WWC1: variants seen among roughly 807,000 people sequenced by gnomAD.
The protein encoded by WWC1 is WW and C2 domain containing 1.
A neutral mutation model predicts 138.4 loss-of-function variants in WWC1; 55 were observed. The ratio of observed to expected loss-of-function variants is 0.40; its 90% CI spans 0.32 to 0.50. The LOEUF is 0.50. WWC1 is among the 20% of genes least tolerant of loss of function. The probability of loss-of-function intolerance (pLI) is 0.72; values close to 1 mark genes in which losing one functional copy is unlikely to be tolerated. For synonymous variants in WWC1, 524 were observed against 564.9 expected, an observed-to-expected ratio of 0.93 and a Z score of 1.03; for missense variants, 1,226 against 1,420.4, an observed-to-expected ratio of 0.86 and a Z score of 2.20.
chr5:168,373,279 A>C (rs1338796321), intron 2 of WWC1, among the ~76,000 whole-genome samples: 2 of 152,086 alleles, frequency 1.3e-5, no homozygotes, highest in Admixed American at 6.6e-5. Flanking sequence ...CTGTTGGAAA[A>C]ATGGAAGAAA....
intron 15 of WWC1, among the ~76,000 whole-genome samples, chr5:168,438,191 C>T (rs1754409555): frequency 6.6e-6 from 1 of 152,152 alleles, no homozygotes; most frequent in Non-Finnish European, 1.5e-5. Context: ...AACCACCTTT[C>T]ACTGTCCCAG....
chr5:168,312,787 A>G (rs1287951437), intron 1 of WWC1, among the ~76,000 whole-genome samples: 1 of 144,514 alleles, frequency 6.9e-6, no homozygotes. Context: ...CACTCAGGGT[A>G]GGTCATGGGT....
intron 1 of WWC1, among the ~76,000 whole-genome samples, chr5:168,365,297 G>A (rs1414864426): frequency 6.6e-6 from 1 of 152,174 alleles, no homozygotes; most frequent in African/African-American, 2.4e-5. Context: ...GACAGTTCTT[G>A]GCTTGGAGTC....
At chr5:168,361,958 C>T (rs113816829) in intron 1 of WWC1, among the ~76,000 whole-genome samples, 5,662 of 152,274 alleles carry the variant, frequency 0.037, 150 homozygotes, top group Middle Eastern at 0.088. Flanking sequence ...TGGCAGGCGC[C>T]TGTGGTCCCA....
intron 17 of WWC1, among the ~76,000 whole-genome samples, chr5:168,452,505 A>G (rs553248420): frequency 2.4e-4 from 36 of 152,328 alleles, no homozygotes; most frequent in African/African-American, 8.2e-4. Flanking sequence ...AGCCAGGGAA[A>G]GGGGCCTCAG....
At chr5:168,423,384 T>C in intron 10 of WWC1, 149 bp from the exon 11 acceptor site, 2 of 854,624 alleles carry the variant, frequency 2.3e-6, no homozygotes. Flanking sequence ...GGGGTATCAG[T>C]TTTCCATGAA....
chr5:168,417,314 G>A (rs904856619), intron 9 of WWC1, among the ~76,000 whole-genome samples: 14 of 152,116 alleles, frequency 9.2e-5, no homozygotes, highest in Non-Finnish European at 4.4e-5. Context: ...GCAGTTAGAC[G>A]AGGCTGTGAA....
intron 1 of WWC1, among the ~76,000 whole-genome samples, chr5:168,313,321 G>A (rs1313171138): frequency 3.9e-5 from 6 of 152,078 alleles, no homozygotes; most frequent in Non-Finnish European, 8.8e-5. Context: ...GCCGGGCACA[G>A]TGCTCATGCC....
chr5:168,464,829 C>T lies in WWC1; in HGVS notation c.3017C>T (p.Thr1006Ile), dbSNP rs1757122484. 1.9e-6 allele frequency: 3 copies of T among 1,614,102 alleles called. No homozygotes were observed. Among genetic ancestry groups the T allele is most frequent in the Non-Finnish European group, 1.7e-6 (2 of 1,180,040 alleles). Residue 1006 changes from threonine (T) to isoleucine (I), a missense_variant, in exon 21 of 23, where the codon ACC (threonine) becomes ATC (isoleucine). Coordinates refer to ENST00000265293, the MANE Select transcript of WWC1 (RefSeq NM_015238.3). ...ACAAGAACCTGGCACAGCCAATTGA[C>T]CCAGGAGATCTCGGTGCTGAAGGAG... ...QATRTWHSQL[T>I]QEISVLKELK...
chr5:168,392,694 T>C (rs1187715646), intron 3 of WWC1, among the ~76,000 whole-genome samples: 3 of 152,120 alleles, frequency 2.0e-5, no homozygotes, highest in African/African-American at 7.2e-5. Flanking sequence ...GTCTCTTAAA[T>C]AATAAAATAA....
chr5:168,330,034 C>T (rs935844367), intron 1 of WWC1, among the ~76,000 whole-genome samples: 5 of 152,194 alleles, frequency 3.3e-5, no homozygotes, highest in Middle Eastern at 3.4e-3. Flanking sequence ...CCCTTGAACC[C>T]GGGAGGTGGA....
intron 7 of WWC1, among the ~76,000 whole-genome samples, chr5:168,409,505 G>A (rs1374492288): frequency 6.6e-6 from 1 of 152,178 alleles, no homozygotes; most frequent in Non-Finnish European, 1.5e-5. Context: ...ACTACCCAGT[G>A]TTTCACTCCT....
intron 6 of WWC1, among the ~76,000 whole-genome samples, chr5:168,407,981 G>A (rs1489483440): frequency 6.7e-6 from 1 of 149,056 alleles, no homozygotes; most frequent in Admixed American, 6.7e-5. Flanking sequence ...TCCCACCTCA[G>A]CCTCCCAAGT....
In WWC1 at chr5:168,469,153, G is replaced by C. The variant is rs990909977; in HGVS notation, c.*136G>C. The C allele has an allele frequency of 4.0e-6, 4 of 991,592 alleles. No homozygotes were observed. The Admixed American group carries it at 9.0e-5, about 22-fold the overall frequency. The allele number at this position is 991,592 out of a possible 1,614,324, so 61.4% of individuals were successfully genotyped here. ...GCTCTTGTTGGTTTGAAGATGAACCGACTTTTTAGTTTGGGTCCTACTGTT... is the reference window on the plus strand; with the variant it reads ...GCTCTTGTTGGTTTGAAGATGAACCCACTTTTTAGTTTGGGTCCTACTGTT... On this transcript the variant is annotated 3_prime_UTR_variant, in exon 23 of 23. Coordinates refer to ENST00000265293, the MANE Select transcript of WWC1 (RefSeq NM_015238.3).
chr5:168,397,294 C>T (rs1778975443), intron 3 of WWC1, among the ~76,000 whole-genome samples: 1 of 152,054 alleles, frequency 6.6e-6, no homozygotes, highest in Non-Finnish European at 1.5e-5. Context: ...AGGCGCCCAC[C>T]ACCATGCCCA....
In WWC1 at chr5:168,408,667, G is replaced by A. The variant is rs1421400804; in HGVS notation, c.867+14G>A. On this transcript the variant is annotated intron_variant, in intron 7 of 22. Transcript: ENST00000265293. Reference sequence around the variant, plus strand: ...ATCTCGGGAAGCGTGAGTAGACGGGGCAGGTTGCTGGGGGCCTTCCACAGG... The same window carrying A: ...ATCTCGGGAAGCGTGAGTAGACGGGACAGGTTGCTGGGGGCCTTCCACAGG... The A allele has an allele frequency of 1.5e-5, 25 of 1,613,480 alleles. No homozygotes were observed. Among genetic ancestry groups the A allele is most frequent in the Non-Finnish European group, 1.9e-5 (23 of 1,179,718 alleles).
chr5:168,312,934 G>A (rs563702798), intron 1 of WWC1, among the ~76,000 whole-genome samples: 18 of 150,356 alleles, frequency 1.2e-4, no homozygotes, highest in African/African-American at 3.9e-4. Flanking sequence ...TCAGCCTCTC[G>A]AGTAGCTGGG....
At chr5:168,354,135 C>G (rs2152792640) in intron 1 of WWC1, among the ~76,000 whole-genome samples, 1 of 151,944 alleles carries the variant, frequency 6.6e-6, no homozygotes, top group East Asian at 1.9e-4. Context: ...ACTGCAATCT[C>G]TGCCTCCTGG....
At chr5:168,424,281 C>T (rs1781345859) in intron 11 of WWC1, among the ~76,000 whole-genome samples, 1 of 152,176 alleles carries the variant, frequency 6.6e-6, no homozygotes, top group African/African-American at 2.4e-5. Context: ...ATTCTGTCCT[C>T]CAACAGACAT....
Sources: gnomAD v4.1 joint callset for allele counts (sites outside exome capture counted in the v4.1 genomes callset) on GRCh38, gnomAD v4.1.1 for gene constraint, MANE v1.5 for transcripts, NCBI Gene and HGNC (gene_info 2026-07-23, HGNC 2026-07-21) for gene names.